CLDN18: variants seen among roughly 807,000 people sequenced by gnomAD.
The protein encoded by CLDN18 is claudin-18.
Under a neutral mutation model 25.0 loss-of-function variants are expected in CLDN18, and 20 were observed. That is an observed-to-expected ratio of 0.80 (90% CI 0.56 to 1.16). The LOEUF (loss-of-function observed/expected upper bound fraction) is 1.16, where lower values mean the gene tolerates loss of function less well. CLDN18 is among the 50% of genes most tolerant of loss of function. CLDN18 has a pLI of 0.00. For missense variants in CLDN18, 297 were observed against 345.4 expected (o/e 0.86, Z 1.11); for synonymous variants, 125 against 135.6 (o/e 0.92, Z 0.54).
At chr3:138,030,846 G>C in intron 4 of CLDN18, 124 bp from the exon 5 acceptor site, 1 of 864,974 alleles carries the variant, frequency 1.2e-6, no homozygotes, top group Middle Eastern at 3.4e-4. Context: ...GGTTTGCCCC[G>C]GACTGATGGG....
rs1405432106 is a variant in CLDN18, at chr3:138,023,753, A to C, written c.316A>C (p.Ile106Leu). The change falls in exon 2 of 5, where the codon ATT (isoleucine) becomes CTT (leucine). Residue 106 changes from isoleucine (I) to leucine (L), a missense_variant. By Grantham distance (5) the Ile-to-Leu change is conservative (BLOSUM62 2). Coordinates refer to ENST00000183605, the MANE Select transcript of CLDN18 (RefSeq NM_016369.4). ...CATCTTTGCCCTGAAATGCATCCGC[A>C]TTGGCAGCATGGAGGACTCTGCCAA... ...VSIFALKCIR[I>L]GSMEDSAKAN... is the part of the protein sequence containing the mutation. The C allele has an allele frequency of 1.7e-5, 27 of 1,613,986 alleles. No homozygotes were observed. The highest frequency in any genetic ancestry group is 2.2e-5 in the Non-Finnish European group (26 of 1,180,018).
At chr3:138,021,653 A>G (rs904800178) in intron 1 of CLDN18, among the ~76,000 whole-genome samples, 13 of 150,812 alleles carry the variant, frequency 8.6e-5, no homozygotes, top group Admixed American at 5.3e-4. Context: ...ATAACTAGGG[A>G]AAAAAAATCA....
chr3:138,004,714 AAAGT>A (rs1409290552), intron 1 of CLDN18: 1 of 151,642 alleles, frequency 6.6e-6, no homozygotes, highest in Non-Finnish European at 1.5e-5. Context: ...TTTGAAGGAA[AAAGT>A]AATTACAGTA....
intron 3 of CLDN18, among the ~76,000 whole-genome samples, chr3:138,029,514 G>T (rs1474820541): frequency 2.0e-5 from 3 of 152,128 alleles, no homozygotes; most frequent in African/African-American, 7.2e-5. Flanking sequence ...GAGAGGGGAG[G>T]GAGATTTCTT....
upstream of CLDN18, chr3:138,010,091 C>A: frequency 7.2e-7 from 1 of 1,390,638 alleles, no homozygotes; most frequent in Non-Finnish European, 9.5e-7. Flanking sequence ...CTAAGGAAAA[C>A]ACTGTGAGCA....
chr3:138,025,993 GACTAT>G (rs1290016202), intron 3 of CLDN18, among the ~76,000 whole-genome samples: 1 of 152,176 alleles, frequency 6.6e-6, no homozygotes, highest in Non-Finnish European at 1.5e-5. Flanking sequence ...CTGGAATTAA[GACTAT>G]AGAATTCTGA....
At chr3:138,007,587 A>G (rs189992301), upstream of CLDN18, among the ~76,000 whole-genome samples, 23 of 152,290 alleles carry the variant, frequency 1.5e-4, no homozygotes, top group Non-Finnish European at 2.5e-4. Context: ...ATGGGTCAAT[A>G]GGTGCAGCAA....
chr3:138,024,816 C>G (rs552324047), intron 3 of CLDN18, 92 bp downstream of exon 3: 31 of 679,318 alleles, frequency 4.6e-5, no homozygotes, highest in Middle Eastern at 2.6e-4. Context: ...ACTGTCAGTG[C>G]CTGAAATAGC....
rs1364112756 is a variant in CLDN18, at chr3:138,010,527, C to T, written c.220+82C>T. The T allele has an allele frequency of 4.5e-6, 7 of 1,543,018 alleles. No individual in the cohort carries two copies. In the East Asian group the frequency reaches 1.2e-4, roughly 26 times the overall value. On this transcript the variant is annotated intron_variant, in intron 1 of 4. Coordinates refer to ENST00000183605, the MANE Select transcript of CLDN18 (RefSeq NM_016369.4). The stretch of plus-strand genomic sequence containing the variant: ...GCGTTTGCGTTAAGCCCCACTCCCA[C>T]CTCTGGGTGAGGACCCTGGCAGCTC...
chr3:138,009,393 G>C (rs1469475275), upstream of CLDN18, among the ~76,000 whole-genome samples: 1 of 152,180 alleles, frequency 6.6e-6, no homozygotes, highest in Non-Finnish European at 1.5e-5. Flanking sequence ...TGGCACGAGT[G>C]AAAGCATGAC....
intron 1 of CLDN18, among the ~76,000 whole-genome samples, chr3:138,014,232 G>GTC (rs1942176824): frequency 1.3e-5 from 2 of 152,310 alleles, no homozygotes; most frequent in South Asian, 4.1e-4. Context: ...CCCACGAAAG[G>GTC]AGAGGTCCTT....
chr3:138,031,771 A>G lies in CLDN18; in HGVS notation c.*630A>G, dbSNP rs1197586274. 2 of 152,224 alleles carry G rather than the reference A, an allele frequency of 1.3e-5. No individual in the cohort carries two copies. The highest frequency in any genetic ancestry group is 2.9e-5 in the Non-Finnish European group (2 of 68,024). The allele number at this position is 152,224 out of a possible 1,614,324, so 9.4% of individuals were successfully genotyped here. A position where few individuals can be genotyped will look rare whatever the true frequency, so the allele number is the denominator to read the frequency against. ...TTTCTACTGCTGTTGACATCTTCTT[A>G]TTACAGCAACACCATTCTAGGAGTT... On this transcript the variant is annotated 3_prime_UTR_variant, in exon 5 of 5. Coordinates refer to ENST00000183605, the MANE Select transcript of CLDN18 (RefSeq NM_016369.4).
upstream of CLDN18, among the ~76,000 whole-genome samples, chr3:138,008,318 G>A (rs538568109): frequency 1.9e-4 from 29 of 152,030 alleles, 1 homozygote; most frequent in South Asian, 1.0e-3. Flanking sequence ...AAATGTCTCC[G>A]GAGGGCTGGG....
intron 3 of CLDN18, among the ~76,000 whole-genome samples, chr3:138,028,615 C>T (rs886351524): frequency 1.3e-5 from 2 of 152,136 alleles, no homozygotes; most frequent in Admixed American, 6.6e-5. Flanking sequence ...CTCATGGAGC[C>T]GGAAATCAAG....
rs368088796 is a variant in CLDN18 at position 138,010,215 on chromosome 3, C to A, written c.-11C>A. The A allele has an allele frequency of 6.2e-7, 1 of 1,609,474 alleles. No individual in the cohort carries two copies. The highest frequency in any genetic ancestry group is 1.1e-5 in the South Asian group (1 of 90,560). ...AGCTTCTCGCAGGCGGCAGGGCGGG[C>A]GGCCAGGATCATGTCCACCACCACA... On this transcript the variant is annotated 5_prime_UTR_variant, in exon 1 of 5. Coordinates refer to ENST00000183605, the MANE Select transcript of CLDN18 (RefSeq NM_016369.4).
intron 1 of CLDN18, among the ~76,000 whole-genome samples, chr3:138,019,757 C>A (rs1183919517): frequency 6.6e-6 from 1 of 152,154 alleles, no homozygotes; most frequent in Admixed American, 6.5e-5. Context: ...GAAAAAAAAC[C>A]ACACCTAAGG....
chr3:138,021,470 C>A (rs904803771), intron 1 of CLDN18, among the ~76,000 whole-genome samples: 3 of 152,064 alleles, frequency 2.0e-5, no homozygotes, highest in Admixed American at 1.3e-4. Flanking sequence ...ACAGGAGGAG[C>A]CTCATTAGGG....
intron 1 of CLDN18, among the ~76,000 whole-genome samples, chr3:138,010,665 TGAG>T (rs1388987914): frequency 6.6e-6 from 1 of 152,216 alleles, no homozygotes; most frequent in Non-Finnish European, 1.5e-5. Flanking sequence ...GAATCGCTAG[TGAG>T]GAGGCAGGCC....
intron 2 of CLDN18, among the ~76,000 whole-genome samples, chr3:138,024,157 ATT>A (rs1942299268): frequency 6.6e-6 from 1 of 151,492 alleles, no homozygotes; most frequent in South Asian, 2.1e-4. Context: ...TTAAAAGAAA[ATT>A]TTTTTATTAA....
Sources: allele counts gnomAD v4.1 joint callset (sites outside exome capture counted in the v4.1 genomes callset), GRCh38; gene constraint gnomAD v4.1.1; transcripts MANE v1.5; gene names NCBI Gene and HGNC (gene_info 2026-07-23, HGNC 2026-07-21).